UNC13C: variants seen among roughly 807,000 people sequenced by gnomAD.
UNC13C encodes the protein unc-13 homolog C.
A neutral mutation model predicts 245.4 loss-of-function variants in UNC13C; 174 were observed. The ratio of observed to expected loss-of-function variants is 0.71; its 90% CI spans 0.63 to 0.80. UNC13C has a LOEUF of 0.80. Among genes scored for constraint, UNC13C ranks in the 30% least tolerant of loss-of-function variants. The pLI is 0.00. For synonymous variants in UNC13C, 992 were observed against 895.1 expected, an observed-to-expected ratio of 1.11 and a Z score of -1.93; for missense variants, 2,829 against 2,602.9, an observed-to-expected ratio of 1.09 and a Z score of -1.89.
At chr15:53,906,230 G>A in the UNC13C span, among the ~76,000 whole-genome samples, 8 of 152,258 alleles carry the variant, frequency 5.3e-5, no homozygotes, top group African/African-American at 1.9e-4. Flanking sequence ...GGAGGCTGAG[G>A]TGGGAGGATC....
intron 4 of UNC13C, among the ~76,000 whole-genome samples, chr15:54,188,344 G>T (rs528525943): frequency 2.6e-5 from 4 of 152,128 alleles, no homozygotes; most frequent in African/African-American, 9.6e-5. Context: ...TTATAAAGAG[G>T]TAAACTACTT....
chr15:53,871,562 G>C, the UNC13C span, among the ~76,000 whole-genome samples: 1 of 151,916 alleles, frequency 6.6e-6, no homozygotes, highest in Non-Finnish European at 1.5e-5. Context: ...TCATTGCTGT[G>C]TTCCAGTTGA....
intron 19 of UNC13C, among the ~76,000 whole-genome samples, chr15:54,470,023 G>C (rs772664305): frequency 6.6e-6 from 1 of 151,420 alleles, no homozygotes; most frequent in Admixed American, 6.6e-5. Context: ...ATGCTCATAT[G>C]GTCTTTGTTC....
chr15:54,527,442 A>G (rs1197378567), intron 25 of UNC13C, among the ~76,000 whole-genome samples: 1 of 152,238 alleles, frequency 6.6e-6, no homozygotes, highest in East Asian at 1.9e-4. Context: ...TATGGAAAAT[A>G]AGATGACTAA....
the UNC13C span, among the ~76,000 whole-genome samples, chr15:53,910,413 T>G: frequency 0.17 from 25,361 of 145,746 alleles, 4,495 homozygotes; most frequent in South Asian, 0.3. Flanking sequence ...TAACCTGTTT[T>G]TGTAAGTTCA....
chr15:53,923,790 CT>C, the UNC13C span, among the ~76,000 whole-genome samples: 32 of 152,218 alleles, frequency 2.1e-4, no homozygotes, highest in Non-Finnish European at 4.3e-4. Context: ...TTCTCAGGCA[CT>C]TTCCTCCCAC....
chr15:54,557,090 T>C (rs1213755593), intron 29 of UNC13C, among the ~76,000 whole-genome samples: 2 of 152,046 alleles, frequency 1.3e-5, no homozygotes, highest in African/African-American at 4.8e-5. Context: ...TATACTAATA[T>C]TTTAATTCAG....
intron 1 of UNC13C, among the ~76,000 whole-genome samples, chr15:54,005,670 G>T (rs933752228): frequency 3.3e-5 from 5 of 152,160 alleles, no homozygotes; most frequent in African/African-American, 9.7e-5. Context: ...ATAATGAAAA[G>T]AAAAGATGAC....
At chr15:54,073,975 T>C (rs1343842330) in intron 2 of UNC13C, among the ~76,000 whole-genome samples, 2 of 152,038 alleles carry the variant, frequency 1.3e-5, no homozygotes, top group Non-Finnish European at 2.9e-5. Flanking sequence ...CAGAATGGTA[T>C]TGCCTAGGTT....
In UNC13C at chr15:54,506,465, A is replaced by C. The variant is rs146728356; in HGVS notation, c.5302-652A>C. Among the ~76,000 whole-genome samples the C allele has an allele frequency of 5.0e-3, 764 of 152,106 alleles. 10 individuals are homozygous for C. The highest frequency in any genetic ancestry group is 5.5e-3 in the Non-Finnish European group (377 of 67,996). On this transcript the variant is annotated intron_variant, in intron 22 of 32. Coordinates refer to ENST00000260323, the MANE Select transcript of UNC13C (RefSeq NM_001080534.3). ...TTGGTCTGCTGCTTGATAAGATTTT[A>C]TATTTTCAAGGTCAACTTTCTATTT...
the UNC13C span, among the ~76,000 whole-genome samples, chr15:53,926,098 AT>A: frequency 6.6e-6 from 1 of 151,928 alleles, no homozygotes; most frequent in Non-Finnish European, 1.5e-5. Flanking sequence ...TTAAAACAAG[AT>A]GATTTAGTTT....
In UNC13C at chr15:54,053,629, G is replaced by T. The variant is rs187538720; in HGVS notation, c.2983+37743G>T. Among the ~76,000 whole-genome samples the T allele has an allele frequency of 1.2e-3, 178 of 152,010 alleles. 1 individual carries two copies. Among genetic ancestry groups the T allele is most frequent in the Non-Finnish European group, 1.2e-4 (8 of 67,984 alleles). On this transcript the variant is annotated intron_variant, in intron 2 of 32. Coordinates refer to ENST00000260323, the MANE Select transcript of UNC13C (RefSeq NM_001080534.3). ...CACCTCAATAATTTATCCTTTCTTT[G>T]TGTTACAAACAATCCAATTATACTC...
At chr15:54,009,569 A>G (rs371285098) in intron 1 of UNC13C, among the ~76,000 whole-genome samples, 50 of 146,344 alleles carry the variant, frequency 3.4e-4, no homozygotes, top group African/African-American at 1.0e-3. Context: ...TTTTGTTGAG[A>G]TGAAATCTCG....
At chr15:53,967,320 A>AT in the UNC13C span, among the ~76,000 whole-genome samples, 12 of 112,822 alleles carry the variant, frequency 1.1e-4, no homozygotes, top group African/African-American at 3.3e-4. Context: ...TAAGAGCACA[A>AT]TTTTTTTTTT....
At chr15:54,500,006 A>C in intron 20 of UNC13C, 73 bp from the exon 21 acceptor site, 1 of 1,146,676 alleles carries the variant, frequency 8.7e-7, no homozygotes, top group Non-Finnish European at 1.2e-6. Flanking sequence ...TCATATGCAA[A>C]AAGAGCAGCA....
chr15:54,428,590 G>A (rs1238378245), intron 19 of UNC13C, among the ~76,000 whole-genome samples: 2 of 151,456 alleles, frequency 1.3e-5, no homozygotes, highest in Non-Finnish European at 3.0e-5. Flanking sequence ...TAGACTGTAA[G>A]CTCTGTGAAA....
At chr15:54,242,865 G>A (rs1037268816) in intron 7 of UNC13C, among the ~76,000 whole-genome samples, 1 of 152,092 alleles carries the variant, frequency 6.6e-6, no homozygotes, top group African/African-American at 2.4e-5. Context: ...ATGGTTCCCT[G>A]ACTGACTTTG....
At chr15:53,840,619 T>C in the UNC13C span, among the ~76,000 whole-genome samples, 7 of 152,122 alleles carry the variant, frequency 4.6e-5, no homozygotes, top group Non-Finnish European at 8.8e-5. Flanking sequence ...CACTATCTCC[T>C]TTTGCCTTGA....
At chr15:54,279,831 G>A (rs895769428) in intron 10 of UNC13C, among the ~76,000 whole-genome samples, 1 of 152,162 alleles carries the variant, frequency 6.6e-6, no homozygotes. Context: ...TAAGGAAATA[G>A]AAAAGTATTG....
Sources: gnomAD v4.1 joint callset for allele counts (sites outside exome capture counted in the v4.1 genomes callset) on GRCh38, gnomAD v4.1.1 for gene constraint, MANE v1.5 for transcripts, NCBI Gene and HGNC (gene_info 2026-07-23, HGNC 2026-07-21) for gene names.